The following KCTD2 variants were observed in gnomAD, a reference collection of about 807,000 sequenced individuals.
KCTD2 encodes the protein potassium channel tetramerization domain containing 2.
In KCTD2, 18 loss-of-function variants were observed where a neutral mutation model predicts 27.9. The observed-to-expected ratio is 0.64, with a 90% CI of 0.45 to 0.96. The LOEUF is 0.96. Among genes scored for constraint, KCTD2 ranks in the 40% least tolerant of loss-of-function variants. The pLI, the probability that KCTD2 is intolerant of heterozygous loss-of-function variation, is 0.00. For missense variants in KCTD2, 280 were observed against 348.0 expected (o/e 0.80, Z 1.56); for synonymous variants, 175 against 148.4 (o/e 1.18, Z -1.30).
At chr17:75,044,427 G>A (rs2073192054), upstream of KCTD2, among the ~76,000 whole-genome samples, 2 of 113,112 alleles carry the variant, frequency 1.8e-5, 1 homozygote, top group Non-Finnish European at 3.1e-5. Flanking sequence ...GGATGGTCTC[G>A]ATCTCCTGAC....
At chr17:75,060,330 G>A (rs560178840) in intron 4 of KCTD2, among the ~76,000 whole-genome samples, 19 of 151,578 alleles carry the variant, frequency 1.3e-4, no homozygotes, top group Non-Finnish European at 2.5e-4. Context: ...CTTCCCACAA[G>A]CTGTGGTGTC....
In KCTD2 at chr17:75,039,054, T is replaced by C. The variant is rs1219844529; in HGVS notation, c.-259+3697T>C. 1.5e-5 allele frequency: 25 copies of C among 1,613,914 alleles called. No individual in the cohort carries two copies. The Admixed American group carries it at 2.3e-4, about 15-fold the overall frequency. ...TGATCAAATGGAATTAAGTTCTTCA[T>C]CTTCTCCATCTGGAAAGAGGGGGAA... On this transcript the variant is annotated intron_variant, in intron 3 of 7. Transcript: ENST00000581589.
intron 3 of KCTD2, chr17:75,039,809 C>A: frequency 2.3e-6 from 1 of 426,554 alleles, no homozygotes; most frequent in South Asian, 3.4e-5. Context: ...GTGAAACCAG[C>A]AGTCCCCTCT....
chr17:75,051,119 G>A (rs990948670), intron 2 of KCTD2, among the ~76,000 whole-genome samples: 2 of 150,890 alleles, frequency 1.3e-5, no homozygotes, highest in Non-Finnish European at 3.0e-5. Context: ...GACTATAGGC[G>A]CCCACCACCA....
chr17:75,039,959 C>T (rs1419279006), intron 3 of KCTD2: 3 of 916,046 alleles, frequency 3.3e-6, no homozygotes, highest in Non-Finnish European at 5.1e-6. Context: ...CATGTTGTTG[C>T]ATTTATTGAC....
At chr17:75,032,605 C>A, upstream of KCTD2, 1 of 153,326 alleles carries the variant, frequency 6.5e-6, no homozygotes, top group Non-Finnish European at 1.5e-5. This position sits in a 1 kb window ranked among gnomAD's most constrained non-coding sequence, Gnocchi z 4.8. Flanking sequence ...GAGGGGTGCC[C>A]AGTGGTGATG....
chr17:75,063,082 G>C lies in KCTD2; in HGVS notation c.*35G>C, dbSNP rs899680192. On this transcript the variant is annotated 3_prime_UTR_variant, in exon 6 of 6. Coordinates refer to ENST00000322444, the MANE Select transcript of KCTD2 (RefSeq NM_015353.3). The stretch of plus-strand genomic sequence containing the variant: ...CCGAAAACTCCAGACCTTCAGGAGA[G>C]CAGTCAGCAGAGCCCCTCTGTGAAG... The C allele has an allele frequency of 5.6e-6, 9 of 1,602,768 alleles. No homozygotes were observed. Among genetic ancestry groups the C allele is most frequent in the Non-Finnish European group, 6.8e-6 (8 of 1,170,216 alleles).
chr17:75,059,697 C>T (rs978988159), intron 4 of KCTD2, 92 bp downstream of exon 4: 25 of 945,306 alleles, frequency 2.6e-5, no homozygotes, highest in South Asian at 7.7e-5. Flanking sequence ...TTAATAACCA[C>T]GGGAGACGGC....
At chr17:75,038,699 C>A (rs577701642) in intron 3 of KCTD2, among the ~76,000 whole-genome samples, 1 of 152,134 alleles carries the variant, frequency 6.6e-6, no homozygotes, top group African/African-American at 2.4e-5. Context: ...TTTCAGCAGT[C>A]CTGGGGCCTC....
Position 75,059,530 on chromosome 17 carries a change from C to G in KCTD2, c.561C>G (p.Tyr187Ter). 8 of 1,613,820 alleles carry G rather than the reference C, an allele frequency of 5.0e-6. No homozygotes were observed. Among genetic ancestry groups the G allele is most frequent in the Non-Finnish European group, 6.8e-6 (8 of 1,179,840 alleles). ...RTSQGPVKHV[Y>*]RVLQCQEEEL... ...TGCAGGGCCCCGTGAAGCACGTGTA[C>G]AGAGTCCTGCAGTGTCAGGAAGAAG... The change falls in exon 4 of 6, where the codon TAC becomes TAG. Residue 187 changes from tyrosine (Y) to a stop codon, truncating the protein, a stop_gained. Coordinates refer to ENST00000322444, the MANE Select transcript of KCTD2 (RefSeq NM_015353.3). LOFTEE classifies it high-confidence loss of function.
chr17:75,062,370 C>T (rs2073413054), intron 5 of KCTD2, 125 bp downstream of exon 5: 4 of 890,180 alleles, frequency 4.5e-6, no homozygotes, highest in Non-Finnish European at 4.9e-6. Context: ...TGCATTTTCC[C>T]CTCGTTTTGT....
intron 3 of KCTD2, among the ~76,000 whole-genome samples, chr17:75,057,684 C>A (rs973795935): frequency 1.3e-5 from 2 of 151,556 alleles, no homozygotes; most frequent in Non-Finnish European, 2.9e-5. Context: ...CTCAGCCTCC[C>A]GAGTAGCTGG....
intron 1 of KCTD2, chr17:75,033,123 T>A (rs1267002849): frequency 1.3e-5 from 2 of 148,974 alleles, no homozygotes; most frequent in Admixed American, 1.3e-4. Context: ...TATTTAATAA[T>A]TTTTTTTCTT....
At chr17:75,052,979 G>T (rs1309647682) in intron 2 of KCTD2, 35 bp from the exon 3 acceptor site, 5 of 1,517,120 alleles carry the variant, frequency 3.3e-6, no homozygotes, top group South Asian at 2.2e-5. Flanking sequence ...GCAAACCCTC[G>T]CACCTATCTG....
intron 3 of KCTD2, chr17:75,036,017 A>T (rs2040111611): frequency 4.4e-6 from 2 of 454,342 alleles, no homozygotes. Flanking sequence ...GTGCAAGTGT[A>T]CTTGGACATA....
chr17:75,050,555 G>A (rs1049669473), intron 2 of KCTD2, among the ~76,000 whole-genome samples: 12 of 152,008 alleles, frequency 7.9e-5, no homozygotes, highest in East Asian at 1.9e-4. Context: ...GAGCCTCCGC[G>A]CCCGACCTGA....
At position 75,037,327 on chromosome 17, in the gene KCTD2, A is replaced by G. The variant is rs868171814; in HGVS notation, c.-259+1970A>G. Among the ~76,000 whole-genome samples the G allele has an allele frequency of 1.5e-4, 23 of 149,872 alleles. No individual in the cohort carries two copies. In the South Asian group the frequency reaches 4.9e-3, roughly 32 times the overall value. On this transcript the variant is annotated intron_variant, in intron 3 of 7. Transcript: ENST00000581589. ...CCACTGCACTCCAGCCTGGGCGACA[A>G]AGCAAGATTCCATATCAGAAAAAAA...
At chr17:75,037,140 C>T (rs2073110185) in intron 3 of KCTD2, among the ~76,000 whole-genome samples, 1 of 152,078 alleles carries the variant, frequency 6.6e-6, no homozygotes, top group Non-Finnish European at 1.5e-5. Context: ...GTCAGGAGAT[C>T]GAGACCGTCC....
At chr17:75,061,000 G>A (rs1171982922) in intron 4 of KCTD2, among the ~76,000 whole-genome samples, 1 of 152,196 alleles carries the variant, frequency 6.6e-6, no homozygotes, top group African/African-American at 2.4e-5. Context: ...GTCGCCAAGA[G>A]TTTAATGCCC....
Sources: gnomAD v4.1 joint callset for allele counts (sites outside exome capture counted in the v4.1 genomes callset) on GRCh38, gnomAD v4.1.1 for gene constraint, Gnocchi (gnomAD v3.1) non-coding constraint, MANE v1.5 for transcripts, NCBI Gene and HGNC (gene_info 2026-07-23, HGNC 2026-07-21) for gene names.